The following KCNQ5 variants were observed in gnomAD, a reference collection of about 807,000 sequenced individuals.
The protein encoded by KCNQ5 is potassium voltage-gated channel subfamily KQT member 5.
KCNQ5 carries 30 observed loss-of-function variants against 98.2 expected under a neutral mutation model. The ratio of observed to expected loss-of-function variants is 0.31; its 90% confidence interval spans 0.23 to 0.41. The LOEUF (loss-of-function observed/expected upper bound fraction) is 0.41, where lower values mean the gene tolerates loss of function less well. Among genes scored for constraint, KCNQ5 ranks in the 10% least tolerant of loss-of-function variants. The pLI is 1.00. For missense variants in KCNQ5, 835 were observed against 1,182.5 expected (o/e 0.71, Z 4.31); for synonymous variants, 458 against 449.4 (o/e 1.02, Z -0.24).
chr6:73,061,423 T>C (rs1299676037), intron 3 of KCNQ5, among the ~76,000 whole-genome samples: 6 of 152,210 alleles, frequency 3.9e-5, no homozygotes, highest in Non-Finnish European at 8.8e-5. Flanking sequence ...CTGGCACAGA[T>C]GAAGTACAGT....
rs974246407 is a variant in KCNQ5, at chr6:72,842,337, C to A, written c.399-161571C>A. Among the ~76,000 whole-genome samples the A allele has an allele frequency of 2.6e-5, 4 of 152,102 alleles. No individual in the cohort carries two copies. In the East Asian group the frequency reaches 7.7e-4, roughly 29 times the overall value. The stretch of plus-strand genomic sequence containing the variant: ...TCACTGTGCCTGTAGGGCTAGACAG[C>A]AATAGGAATGATAAAAAGAAGAGTT... On this transcript the variant is annotated intron_variant, in intron 1 of 13. Coordinates refer to ENST00000370398, the MANE Select transcript of KCNQ5 (RefSeq NM_019842.4).
At position 72,940,182 on chromosome 6, in the gene KCNQ5, G is replaced by A. The variant is rs144848002; in HGVS notation, c.399-63726G>A. Reference sequence around the variant, plus strand: ...TCAGCCCTTTATTTCCCATTGAGAGGTAGAGATTTGAAGCAGAACCAGAAA... The same window carrying A: ...TCAGCCCTTTATTTCCCATTGAGAGATAGAGATTTGAAGCAGAACCAGAAA... On this transcript the variant is annotated intron_variant, in intron 1 of 13. Coordinates refer to ENST00000370398, the MANE Select transcript of KCNQ5 (RefSeq NM_019842.4). Among the ~76,000 whole-genome samples, 776 of 152,232 alleles carry A rather than the reference G, an allele frequency of 5.1e-3. 5 individuals are homozygous for A. Among genetic ancestry groups the A allele is most frequent in the Middle Eastern group, 0.01 (3 of 294 alleles).
intron 1 of KCNQ5, among the ~76,000 whole-genome samples, chr6:72,769,518 A>G (rs1305738334): frequency 6.6e-6 from 1 of 151,950 alleles, no homozygotes; most frequent in Non-Finnish European, 1.5e-5. Context: ...CTGGAGGGGT[A>G]CCTGAGCAGA....
At chr6:73,106,107 AG>A (rs1450680394) in intron 6 of KCNQ5, among the ~76,000 whole-genome samples, 4 of 152,178 alleles carry the variant, frequency 2.6e-5, no homozygotes, top group African/African-American at 7.2e-5. Flanking sequence ...GAAGTGCTTA[AG>A]GAAAATAGAT....
At chr6:72,750,695 G>A (rs1400582231) in intron 1 of KCNQ5, among the ~76,000 whole-genome samples, 1 of 151,940 alleles carries the variant, frequency 6.6e-6, no homozygotes. Flanking sequence ...TTAATTTGAA[G>A]TTAAAAATGC....
intron 1 of KCNQ5, among the ~76,000 whole-genome samples, chr6:72,879,727 A>G (rs1183851355): frequency 2.0e-5 from 3 of 152,092 alleles, no homozygotes; most frequent in Non-Finnish European, 4.4e-5. Context: ...TTTCACATTC[A>G]GGTCTTTAAA....
intron 1 of KCNQ5, among the ~76,000 whole-genome samples, chr6:72,869,924 G>A (rs538184722): frequency 6.6e-6 from 1 of 152,266 alleles, no homozygotes; most frequent in East Asian, 1.9e-4. Flanking sequence ...GGTATTTAAA[G>A]AAGTTAAAAA....
At chr6:72,628,305 G>C (rs1271737408) in intron 1 of KCNQ5, among the ~76,000 whole-genome samples, 1 of 152,180 alleles carries the variant, frequency 6.6e-6, no homozygotes, top group East Asian at 1.9e-4. Flanking sequence ...GGAGATTAGT[G>C]CTTTGCTTGT....
chr6:73,195,753 C>T lies in KCNQ5; in HGVS notation c.*339C>T, dbSNP rs556445481. ...ATTTTGAAATTATGGGAGTAAACAC[C>T]TTCAAATTTCAGGCATTTCTGCTTT... is the stretch of plus-strand genomic sequence containing the variant. On this transcript the variant is annotated 3_prime_UTR_variant, in exon 14 of 14. Transcript: ENST00000370398. 4.8e-5 allele frequency: 11 copies of T among 229,344 alleles called. No homozygotes were observed. Among genetic ancestry groups the T allele is most frequent in the African/African-American group, 2.4e-4 (11 of 44,906 alleles). 14.2% of individuals were successfully genotyped at this position (229,344 alleles called of 1,614,324 possible).
rs12662357 is a variant in KCNQ5 at position 73,196,188 on chromosome 6, G to T, written c.*774G>T. 0.031 allele frequency: 4,710 copies of T among 152,404 alleles called. 94 individuals carry two copies. The highest frequency in any genetic ancestry group is 0.068 in the East Asian group (355 of 5,190). 9.4% of individuals were successfully genotyped at this position (152,404 alleles called of 1,614,324 possible). A position where few individuals can be genotyped will look rare whatever the true frequency, so the allele number is the denominator to read the frequency against. Reference sequence around the variant, plus strand: ...ATAAGTGGTCAACTTCTACACAAGCGTATGAAATACTGGTCAGTAGAACAG... The same window carrying T: ...ATAAGTGGTCAACTTCTACACAAGCTTATGAAATACTGGTCAGTAGAACAG... On this transcript the variant is annotated 3_prime_UTR_variant, in exon 14 of 14. Coordinates refer to ENST00000370398, the MANE Select transcript of KCNQ5 (RefSeq NM_019842.4).
chr6:72,783,573 G>A (rs1344145670), intron 1 of KCNQ5, among the ~76,000 whole-genome samples: 2 of 152,156 alleles, frequency 1.3e-5, no homozygotes, highest in Admixed American at 6.5e-5. Flanking sequence ...TAGGAAACAA[G>A]AGAGGCTTAT....
intron 1 of KCNQ5, among the ~76,000 whole-genome samples, chr6:72,737,011 G>A (rs1770884543): frequency 1.3e-5 from 2 of 151,334 alleles, no homozygotes. Flanking sequence ...CCCAGGCTGG[G>A]GAACAGTGGC....
intron 10 of KCNQ5, among the ~76,000 whole-genome samples, chr6:73,151,187 C>T (rs1415511523): frequency 6.6e-6 from 1 of 152,072 alleles, no homozygotes; most frequent in Non-Finnish European, 1.5e-5. Flanking sequence ...ATGATATAAG[C>T]CCTTTGTTAC....
chr6:73,082,660 A>C (rs967930032), intron 5 of KCNQ5, among the ~76,000 whole-genome samples: 1 of 152,172 alleles, frequency 6.6e-6, no homozygotes, highest in African/African-American at 2.4e-5. Flanking sequence ...ACGAAACACT[A>C]TTTAGTTTAC....
intron 5 of KCNQ5, among the ~76,000 whole-genome samples, chr6:73,103,198 A>G (rs147333562): frequency 7.9e-4 from 121 of 152,358 alleles, no homozygotes; most frequent in African/African-American, 2.8e-3. Flanking sequence ...TAAGCCAGGC[A>G]CAGAAAGACA....
chr6:72,977,317 C>T (rs1371459670), intron 1 of KCNQ5, among the ~76,000 whole-genome samples: 1 of 152,082 alleles, frequency 6.6e-6, no homozygotes, highest in Non-Finnish European at 1.5e-5. Flanking sequence ...GGAAGTAGCA[C>T]ACAAAAGCAT....
intron 1 of KCNQ5, among the ~76,000 whole-genome samples, chr6:72,786,788 C>T (rs1017332582): frequency 1.3e-5 from 2 of 151,794 alleles, no homozygotes; most frequent in African/African-American, 2.4e-5. Flanking sequence ...GGGCGGATCA[C>T]GAGGTCAGGA....
At chr6:72,624,144 G>A (rs2098916932) in intron 1 of KCNQ5, among the ~76,000 whole-genome samples, 1 of 152,304 alleles carries the variant, frequency 6.6e-6, no homozygotes, top group Non-Finnish European at 1.5e-5. Context: ...TAACTTTTAT[G>A]TAAAATTCAC....
chr6:72,962,165 G>A (rs1767387134), intron 1 of KCNQ5, among the ~76,000 whole-genome samples: 1 of 147,562 alleles, frequency 6.8e-6, no homozygotes, highest in African/African-American at 2.5e-5. Flanking sequence ...GTGACAGAGT[G>A]AGACCTTGTT....
Sources: gnomAD v4.1 joint callset for allele counts (sites outside exome capture counted in the v4.1 genomes callset) on GRCh38, gnomAD v4.1.1 for gene constraint, MANE v1.5 for transcripts, NCBI Gene and HGNC (gene_info 2026-07-23, HGNC 2026-07-21) for gene names.